Variants in PTPRG observed in about 807,000 individuals in gnomAD.
The protein encoded by PTPRG is protein tyrosine phosphatase receptor type G, also known as receptor-type tyrosine-protein phosphatase gamma.
In PTPRG, 102 loss-of-function variants were observed where a neutral mutation model predicts 165.3. The ratio of observed to expected loss-of-function variants is 0.62; its 90% CI spans 0.53 to 0.73. PTPRG has a LOEUF of 0.73. Ranked by LOEUF, PTPRG falls within the 30% of genes least tolerant of loss-of-function variation. PTPRG has a pLI of 0.00. For missense variants in PTPRG, 1,866 were observed against 1,861.4 expected (o/e 1.00, Z -0.05); for synonymous variants, 675 against 669.5 (o/e 1.01, Z -0.13).
chr3:61,692,320 C>G (rs562335961), intron 1 of PTPRG, among the ~76,000 whole-genome samples: 7 of 152,266 alleles, frequency 4.6e-5, no homozygotes, highest in Admixed American at 2.0e-4. Context: ...TGGGGTTTTT[C>G]AGCTATAAAA....
chr3:61,743,788 T>C (rs906703963), intron 1 of PTPRG, among the ~76,000 whole-genome samples: 4 of 152,240 alleles, frequency 2.6e-5, no homozygotes, highest in African/African-American at 9.6e-5. Context: ...ATGATAACCA[T>C]AGGCAGATTT....
At chr3:61,648,575 G>C (rs1296784222) in intron 1 of PTPRG, among the ~76,000 whole-genome samples, 2 of 152,222 alleles carry the variant, frequency 1.3e-5, no homozygotes, top group Non-Finnish European at 2.9e-5. Context: ...GCTAAATGCA[G>C]GGTGTTTGAG....
rs141070013 is a variant in PTPRG at position 61,685,488 on chromosome 3, A to G, written c.86-63390A>G. Among the ~76,000 whole-genome samples, 44 of 152,362 alleles carry G rather than the reference A, an allele frequency of 2.9e-4. 1 individual carries two copies. The highest frequency in any genetic ancestry group is 1.0e-3 in the African/African-American group (43 of 41,598). The stretch of plus-strand genomic sequence containing the variant: ...GTAAAGGGAAGAAGCAGGATTGGAC[A>G]GGGAGAATCTCAGAATGTGCTGCAG... On this transcript the variant is annotated intron_variant, in intron 1 of 29. Transcript: ENST00000474889.
intron 1 of PTPRG, among the ~76,000 whole-genome samples, chr3:61,669,038 C>G (rs1029606172): frequency 6.6e-6 from 1 of 151,906 alleles, no homozygotes; most frequent in Non-Finnish European, 1.5e-5. Context: ...CAGTTTTGTC[C>G]CCTGGTAAAA....
At chr3:61,658,555 C>T (rs1338764606) in intron 1 of PTPRG, among the ~76,000 whole-genome samples, 1 of 152,120 alleles carries the variant, frequency 6.6e-6, no homozygotes, top group African/African-American at 2.4e-5. Context: ...TTTTATTCTC[C>T]CCATCTCATC....
chr3:61,769,939 G>A (rs1483642557), intron 2 of PTPRG: 1 of 152,188 alleles, frequency 6.6e-6, no homozygotes, highest in Non-Finnish European at 1.5e-5. Flanking sequence ...ACCCTCTGCT[G>A]TAGAACGTGC....
At chr3:61,880,431 C>T (rs1315070095) in intron 2 of PTPRG, among the ~76,000 whole-genome samples, 1 of 152,002 alleles carries the variant, frequency 6.6e-6, no homozygotes, top group Admixed American at 6.6e-5. Context: ...ATCAGCCTGG[C>T]CAACAGGGTG....
intron 2 of PTPRG, among the ~76,000 whole-genome samples, chr3:61,851,669 T>G (rs1180259916): frequency 6.6e-6 from 1 of 152,236 alleles, no homozygotes; most frequent in Non-Finnish European, 1.5e-5. Context: ...CATTTAAATT[T>G]TAAAATGCCT....
chr3:62,022,943 T>C (rs1287813518), intron 4 of PTPRG, among the ~76,000 whole-genome samples: 1 of 152,182 alleles, frequency 6.6e-6, no homozygotes, highest in Non-Finnish European at 1.5e-5. Flanking sequence ...TCTGTTATTT[T>C]AAAATTTGTT....
intron 2 of PTPRG, among the ~76,000 whole-genome samples, chr3:61,768,819 G>C (rs1478776124): frequency 2.6e-5 from 4 of 152,104 alleles, no homozygotes; most frequent in African/African-American, 9.7e-5. Context: ...GAGAAAGGTT[G>C]ATTCTCCTGA....
At chr3:61,600,839 C>T (rs1422519448) in intron 1 of PTPRG, among the ~76,000 whole-genome samples, 2 of 152,164 alleles carry the variant, frequency 1.3e-5, no homozygotes, top group African/African-American at 2.4e-5. Context: ...CTGCACCAGG[C>T]CTGTTTTTGT....
intron 2 of PTPRG, among the ~76,000 whole-genome samples, chr3:61,928,062 G>A (rs1340599118): frequency 1.3e-5 from 2 of 152,178 alleles, no homozygotes; most frequent in African/African-American, 4.8e-5. Flanking sequence ...AGATAAATTA[G>A]CCTGATGATG....
At chr3:62,215,785 A>G (rs541524235) in intron 12 of PTPRG, among the ~76,000 whole-genome samples, 2 of 152,118 alleles carry the variant, frequency 1.3e-5, no homozygotes, top group Non-Finnish European at 2.9e-5. Flanking sequence ...GGGGACAGAC[A>G]TTATCACCAA....
intron 2 of PTPRG, among the ~76,000 whole-genome samples, chr3:61,751,726 C>T (rs1322453988): frequency 6.6e-6 from 1 of 152,304 alleles, no homozygotes; most frequent in South Asian, 2.1e-4. Context: ...CGCAGTGGCT[C>T]ACGCCTGTAA....
intron 1 of PTPRG, among the ~76,000 whole-genome samples, chr3:61,671,773 C>T (rs1438003550): frequency 1.5e-4 from 19 of 129,972 alleles, no homozygotes; most frequent in African/African-American, 5.0e-4. Context: ...GGGGGGCTGA[C>T]CCCCCCACCT....
intron 1 of PTPRG, among the ~76,000 whole-genome samples, chr3:61,724,549 G>GT (rs1158569168): frequency 2.6e-5 from 4 of 151,990 alleles, no homozygotes; most frequent in African/African-American, 4.8e-5. Context: ...GTATATTTAA[G>GT]TTTTTTTTAC....
intron 2 of PTPRG, among the ~76,000 whole-genome samples, chr3:61,944,711 T>G (rs1408986516): frequency 6.6e-6 from 1 of 152,252 alleles, no homozygotes; most frequent in Non-Finnish European, 1.5e-5. Context: ...TTTTCAATTT[T>G]AATATAGTCT....
chr3:61,814,302 C>T (rs1307373737), intron 2 of PTPRG, among the ~76,000 whole-genome samples: 2 of 152,122 alleles, frequency 1.3e-5, no homozygotes, highest in Non-Finnish European at 2.9e-5. Context: ...TGAACCAGAC[C>T]CTCTCGCTCT....
At chr3:61,616,941 A>T (rs1701314695) in intron 1 of PTPRG, among the ~76,000 whole-genome samples, 2 of 152,214 alleles carry the variant, frequency 1.3e-5, no homozygotes. Context: ...CCGGAAGATA[A>T]CAGAAAACTC....
Sources: gnomAD v4.1 joint callset for allele counts (sites outside exome capture counted in the v4.1 genomes callset) on GRCh38, gnomAD v4.1.1 for gene constraint, MANE v1.5 for transcripts, NCBI Gene and HGNC (gene_info 2026-07-23, HGNC 2026-07-21) for gene names.